The following FRYL variants were observed in gnomAD, a reference collection of about 807,000 sequenced individuals.
The protein encoded by FRYL is protein furry homolog-like.
Under a neutral mutation model 351.2 loss-of-function variants are expected in FRYL, and 150 were observed. The observed-to-expected ratio is 0.43, with a 90% CI of 0.37 to 0.49. The LOEUF (loss-of-function observed/expected upper bound fraction) is 0.49. Among genes scored for constraint, FRYL ranks in the 20% least tolerant of loss-of-function variants. The pLI, the probability that FRYL is intolerant of heterozygous loss-of-function variation, is 0.00. For synonymous variants in FRYL, 1,153 were observed against 1,257.1 expected, an observed-to-expected ratio of 0.92 and a Z score of 1.75; for missense variants, 3,036 against 3,619.3, an observed-to-expected ratio of 0.84 and a Z score of 4.13.
chr4:48,557,764 A>C (rs760624514), intron 33 of FRYL, 52 bp from the exon 34 acceptor site: 8 of 1,591,088 alleles, frequency 5.0e-6, no homozygotes, highest in Non-Finnish European at 1.7e-6. Flanking sequence ...GCTTCCTCTG[A>C]CCCGTAATTA....
intron 16 of FRYL, among the ~76,000 whole-genome samples, chr4:48,592,649 A>G (rs192763815): frequency 6.6e-6 from 1 of 152,148 alleles, no homozygotes. Flanking sequence ...GTCGGTAGAA[A>G]CCAAAAAATA....
intron 22 of FRYL, 117 bp downstream of exon 22, chr4:48,580,744 ACTTT>A: frequency 1.7e-6 from 1 of 591,536 alleles, no homozygotes; most frequent in Non-Finnish European, 2.9e-6. Context: ...TTTCAAAAAT[ACTTT>A]CTAACTCATT....
chr4:48,779,804 C>A (rs1168796371), intron 1 of FRYL, among the ~76,000 whole-genome samples: 2 of 149,678 alleles, frequency 1.3e-5, no homozygotes, highest in African/African-American at 2.5e-5. Flanking sequence ...GCGGCGCTGC[C>A]GGCGGAACCG....
At chr4:48,515,687 G>C (rs1438323853) in intron 55 of FRYL, among the ~76,000 whole-genome samples, 1 of 151,962 alleles carries the variant, frequency 6.6e-6, no homozygotes, top group African/African-American at 2.4e-5. Flanking sequence ...TATAGTTTTT[G>C]AATCAGTTAT....
intron 22 of FRYL, 182 bp downstream of exon 22, chr4:48,580,671 GAGTACTTAACCA>G: frequency 2.3e-6 from 1 of 440,334 alleles, no homozygotes; most frequent in South Asian, 6.4e-5. Flanking sequence ...CTATGTAGAA[GAGTACTTAACCA>G]AGTATAAATG....
chr4:48,503,720 A>T (rs1720264880), intron 60 of FRYL, among the ~76,000 whole-genome samples: 1 of 152,148 alleles, frequency 6.6e-6, no homozygotes, highest in Admixed American at 6.5e-5. Context: ...ATTCCTATCA[A>T]TTTAGAAGGG....
chr4:48,710,162 T>C (rs1157225676), intron 2 of FRYL, among the ~76,000 whole-genome samples: 3 of 152,248 alleles, frequency 2.0e-5, no homozygotes, highest in Non-Finnish European at 2.9e-5. Flanking sequence ...AATGTATACA[T>C]AATTTACAAT....
intron 59 of FRYL, among the ~76,000 whole-genome samples, chr4:48,507,979 A>ATAAT (rs1375518312): frequency 1.3e-5 from 2 of 152,292 alleles, no homozygotes; most frequent in African/African-American, 4.8e-5. Flanking sequence ...GCAGTCTTGA[A>ATAAT]TAATAATAAA....
At chr4:48,537,842 T>G (rs1210346378) in intron 47 of FRYL, among the ~76,000 whole-genome samples, 1 of 152,178 alleles carries the variant, frequency 6.6e-6, no homozygotes, top group Non-Finnish European at 1.5e-5. Context: ...CAGGCAGTAA[T>G]CATTCAACAC....
chr4:48,712,567 G>A (rs1393069761), intron 1 of FRYL, among the ~76,000 whole-genome samples: 7 of 152,350 alleles, frequency 4.6e-5, no homozygotes, highest in African/African-American at 1.7e-4. Flanking sequence ...ATGGTACTGT[G>A]TGAAAAGACC....
intron 1 of FRYL, among the ~76,000 whole-genome samples, chr4:48,772,679 C>CAAAAAAAAAAAAAAAAAAAAAAAA (rs33926702): frequency 1.6e-4 from 8 of 50,268 alleles, no homozygotes; most frequent in Non-Finnish European, 2.3e-4. Flanking sequence ...AGAGACCTAC[C>CAAAAAAAAAAAAAAAAAAAAAAAA]AAAAAAAAAA....
At chr4:48,746,746 C>T (rs561206025) in intron 1 of FRYL, among the ~76,000 whole-genome samples, 1 of 152,182 alleles carries the variant, frequency 6.6e-6, no homozygotes, top group Non-Finnish European at 1.5e-5. Context: ...ATGCACGTAC[C>T]TATGACTGCT....
chr4:48,586,820 C>T (rs910248374), intron 18 of FRYL, 92 bp from the exon 19 acceptor site: 2 of 780,828 alleles, frequency 2.6e-6, no homozygotes, highest in African/African-American at 3.6e-5. Context: ...AAGTGCGAGT[C>T]CTCCCCTAAA....
chr4:48,760,179 T>G (rs1022767535), intron 1 of FRYL, among the ~76,000 whole-genome samples: 5 of 152,058 alleles, frequency 3.3e-5, no homozygotes, highest in Admixed American at 3.3e-4. Flanking sequence ...TTTTTTTTTT[T>G]GAGATGGAGT....
chr4:48,684,018 G>A (rs1474059014), intron 3 of FRYL, among the ~76,000 whole-genome samples: 1 of 152,118 alleles, frequency 6.6e-6, no homozygotes, highest in Admixed American at 6.6e-5. Context: ...TTCATGACAT[G>A]CAAGACAACC....
At chr4:48,722,258 C>G (rs1276627663) in intron 1 of FRYL, among the ~76,000 whole-genome samples, 1 of 152,102 alleles carries the variant, frequency 6.6e-6, no homozygotes, top group Non-Finnish European at 1.5e-5. Flanking sequence ...TCTACTTACA[C>G]CATAAATATA....
intron 53 of FRYL, among the ~76,000 whole-genome samples, chr4:48,525,880 T>G (rs1210855049): frequency 6.6e-6 from 1 of 151,964 alleles, no homozygotes; most frequent in East Asian, 1.9e-4. Flanking sequence ...GAGTAGTATA[T>G]GTATATATGT....
chr4:48,638,706 C>T (rs1206083043), intron 3 of FRYL: 1 of 152,166 alleles, frequency 6.6e-6, no homozygotes, highest in Admixed American at 6.6e-5. Flanking sequence ...TGGAACCAAC[C>T]CAAATGCCCA....
chr4:48,681,943 T>C (rs1304458699), intron 3 of FRYL, among the ~76,000 whole-genome samples: 2 of 152,154 alleles, frequency 1.3e-5, no homozygotes, highest in East Asian at 1.9e-4. Context: ...TTCAGAAGTA[T>C]AACAAGAGAG....
Sources: gnomAD v4.1 joint callset for allele counts (sites outside exome capture counted in the v4.1 genomes callset) on GRCh38, gnomAD v4.1.1 for gene constraint, MANE v1.5 for transcripts, NCBI Gene and HGNC (gene_info 2026-07-23, HGNC 2026-07-21) for gene names.